Variants in SPG7 observed in about 807,000 individuals in gnomAD.
The protein encoded by SPG7 is mitochondrial inner membrane m-AAA protease component paraplegin.
A neutral mutation model predicts 81.9 loss-of-function variants in SPG7; 103 were observed. That is an observed-to-expected ratio of 1.26 (90% CI 1.07 to 1.48). The LOEUF is 1.48. SPG7 is among the 40% of genes most tolerant of loss of function. The pLI is 0.00. For synonymous variants in SPG7, 534 were observed against 444.2 expected, an observed-to-expected ratio of 1.20 and a Z score of -2.54; for missense variants, 1,241 against 1,087.3, an observed-to-expected ratio of 1.14 and a Z score of -1.99.
Position 89,557,100 on chromosome 16 carries a change from G to A in SPG7, c.*7G>A, listed in dbSNP as rs766670092. Reference sequence around the variant, plus strand: ...GCCGACTTGGCCCAAGTAGTTGGGAGGTGTTGGCTGCACGTGCGGGTGGTC... The same window carrying A: ...GCCGACTTGGCCCAAGTAGTTGGGAAGTGTTGGCTGCACGTGCGGGTGGTC... On this transcript the variant is annotated 3_prime_UTR_variant, in exon 17 of 17. Coordinates refer to ENST00000645818, the MANE Select transcript of SPG7 (RefSeq NM_003119.4). 3.2e-5 allele frequency: 52 copies of A among 1,609,364 alleles called. No individual in the cohort carries two copies. The East Asian group carries it at 1.1e-3, about 34-fold the overall frequency.
rs978601095 is a variant in SPG7 at position 89,532,739 on chromosome 16, C to A, written c.1324+103C>A. The A allele has an allele frequency of 2.9e-6, 4 of 1,377,238 alleles. No homozygotes were observed. The African/African-American group carries it at 4.3e-5, about 15-fold the overall frequency. The allele number at this position is 1,377,238 out of a possible 1,614,324, so 85.3% of individuals were successfully genotyped here. ...GAGCCAAGATCGTGTCACTGCACTCCGGCCTGGGTGACAGAGTGAGACTCT... is the reference window on the plus strand; with the variant it reads ...GAGCCAAGATCGTGTCACTGCACTCAGGCCTGGGTGACAGAGTGAGACTCT... On this transcript the variant is annotated intron_variant, in intron 9 of 16. Transcript: ENST00000645818.
At chr16:89,532,176 T>C in intron 8 of SPG7, 110 bp downstream of exon 8, 2 of 1,230,732 alleles carry the variant, frequency 1.6e-6, no homozygotes, top group African/African-American at 3.0e-5. Context: ...GGTGGGGGAG[T>C]AGAGAAGGAA....
At chr16:89,535,582 G>C (rs36097004) in intron 9 of SPG7, among the ~76,000 whole-genome samples, 1 of 152,084 alleles carries the variant, frequency 6.6e-6, no homozygotes, top group Non-Finnish European at 1.5e-5. Context: ...CATGGGAGTC[G>C]AGTTTTCAGA....
intron 3 of SPG7, among the ~76,000 whole-genome samples, chr16:89,513,406 C>A (rs1406198555): frequency 1.3e-5 from 2 of 151,896 alleles, no homozygotes; most frequent in Non-Finnish European, 2.9e-5. Flanking sequence ...ATCCCAGCTA[C>A]TCGGGAGGCT....
chr16:89,536,448 T>A (rs923187998), intron 9 of SPG7, among the ~76,000 whole-genome samples: 4 of 124,946 alleles, frequency 3.2e-5, no homozygotes, highest in Admixed American at 8.1e-5. Flanking sequence ...GTCTGAGGAC[T>A]CTCGGTGAGG....
chr16:89,534,473 T>C (rs1275184706), intron 9 of SPG7, among the ~76,000 whole-genome samples: 1 of 152,246 alleles, frequency 6.6e-6, no homozygotes, highest in African/African-American at 2.4e-5. Flanking sequence ...GTCTCTGCTT[T>C]GTAAGATTTA....
chr16:89,512,281 C>T (rs1305895465), intron 2 of SPG7, among the ~76,000 whole-genome samples: 1 of 151,744 alleles, frequency 6.6e-6, no homozygotes. Context: ...GTGCCGGCCC[C>T]TCTTGGTGGT....
Position 89,550,553 on chromosome 16 carries a change from G to T in SPG7, c.1723G>T (p.Glu575Ter). Residue 575 changes from glutamate (E) to a stop codon, truncating the protein, a stop_gained, in exon 13 of 17, where the codon GAG becomes TAG. Transcript: ENST00000645818. LOFTEE classifies it high-confidence loss of function. ...AGAACAGAAAGTGGTTGCGTTTCAT[G>T]AGTCGGGCCACGCCTTGGTGGGCTG... ...KEEQKVVAFH[E>*]SGHALVGWML... The T allele has an allele frequency of 6.2e-7, 1 of 1,614,052 alleles. No individual in the cohort carries two copies.
At position 89,522,299 on chromosome 16, in the gene SPG7, T is replaced by C. The variant is rs76481084; in HGVS notation, c.377-1707T>C. 5 of 152,362 alleles carry C rather than the reference T, an allele frequency of 3.3e-5. No individual in the cohort carries two copies. In the East Asian group the frequency reaches 9.6e-4, roughly 29 times the overall value. 9.4% of individuals were successfully genotyped at this position (152,362 alleles called of 1,614,324 possible). A position where few individuals can be genotyped will look rare whatever the true frequency, so the allele number is the denominator to read the frequency against. ...AATTGTTTGAATTCGTCTAAAATGATTGTTGGAAAGGAAGGTGGTACATGG... is the reference window on the plus strand; with the variant it reads ...AATTGTTTGAATTCGTCTAAAATGACTGTTGGAAAGGAAGGTGGTACATGG... On this transcript the variant is annotated intron_variant, in intron 3 of 16. Coordinates refer to ENST00000645818, the MANE Select transcript of SPG7 (RefSeq NM_003119.4).
chr16:89,527,041 A>T (rs1180114902), intron 5 of SPG7: 1 of 226,938 alleles, frequency 4.4e-6, no homozygotes, highest in Non-Finnish European at 9.0e-6. Flanking sequence ...ACCTAAGAAC[A>T]TTCTCTGATA....
At position 89,510,595 on chromosome 16, in the gene SPG7, A is replaced by G. The variant is rs201056405; in HGVS notation, c.286+3A>G. 1 of 1,580,604 alleles carries G rather than the reference A, an allele frequency of 6.3e-7. No homozygotes were observed. The highest frequency in any genetic ancestry group is 8.7e-7 in the Non-Finnish European group (1 of 1,149,808). On this transcript the variant is annotated splice_donor_region_variant and intron_variant, in intron 2 of 16. Transcript: ENST00000645818. ...AGTCAGACTCTGGCAACTTTTAGGT[A>G]TGTATCTGTTTAAAGAAGCAGCTGA... is the stretch of plus-strand genomic sequence containing the variant.
chr16:89,511,061 C>T (rs895293387), intron 2 of SPG7, among the ~76,000 whole-genome samples: 1 of 152,254 alleles, frequency 6.6e-6, no homozygotes, highest in South Asian at 2.1e-4. Flanking sequence ...TGGTCTTAAA[C>T]TCCTGGACTC....
Position 89,548,065 on chromosome 16 carries a change from TC to T in SPG7, c.1617del (p.Val540CysfsTer52), listed in dbSNP as rs762795756. On this transcript the variant is annotated frameshift_variant, in exon 12 of 17. Transcript: ENST00000645818. LOFTEE classifies it high-confidence loss of function. ...GCACGCGGCGCGGGAGGGACACACT[TC>T]CGTGCACACTCTCAACTTCGAGTAC... is the stretch of plus-strand genomic sequence containing the variant. ...ALHAAREGHT[S>X]VHTLNFEYAV... 2.2e-5 allele frequency: 35 copies of T among 1,610,742 alleles called. No homozygotes were observed. Among genetic ancestry groups the T allele is most frequent in the African/African-American group, 2.7e-5 (2 of 74,952 alleles).
chr16:89,523,371 G>T, intron 3 of SPG7: 1 of 300,292 alleles, frequency 3.3e-6, no homozygotes, highest in Non-Finnish European at 6.5e-6. Context: ...GAGAGAGAAG[G>T]CACAAGGGTC....
At chr16:89,546,992 G>A (rs1305981623) in intron 11 of SPG7, 7 of 522,572 alleles carry the variant, frequency 1.3e-5, no homozygotes, top group South Asian at 2.0e-5. Context: ...GGTGGTTCCC[G>A]GTCTGTGTTG....
intron 2 of SPG7, among the ~76,000 whole-genome samples, chr16:89,511,833 C>T (rs1597602819): frequency 6.6e-6 from 1 of 152,324 alleles, no homozygotes; most frequent in South Asian, 2.1e-4. Flanking sequence ...TCTCCTCCCA[C>T]TCAGCGTCCT....
chr16:89,552,154 G>T, intron 13 of SPG7: 1 of 152,408 alleles, frequency 6.6e-6, no homozygotes. Context: ...GACCTTCCGG[G>T]CTCACACGAT....
chr16:89,523,741 T>G, intron 3 of SPG7: 1 of 586,788 alleles, frequency 1.7e-6, no homozygotes, highest in Non-Finnish European at 3.2e-6. Context: ...AGTGTTTCGA[T>G]TTAGAAATGG....
At chr16:89,509,012 G>A (rs1018329721) in intron 1 of SPG7, 4 of 463,072 alleles carry the variant, frequency 8.6e-6, no homozygotes, top group Admixed American at 2.3e-5. Flanking sequence ...CCGAGTAGGG[G>A]GCCCAGAACG....
Sources: gnomAD v4.1 joint callset for allele counts (sites outside exome capture counted in the v4.1 genomes callset) on GRCh38, gnomAD v4.1.1 for gene constraint, MANE v1.5 for transcripts, NCBI Gene and HGNC (gene_info 2026-07-23, HGNC 2026-07-21) for gene names.